The following PREX2 variants were observed in gnomAD, a reference collection of about 807,000 sequenced individuals.
PREX2 encodes the protein phosphatidylinositol 3,4,5-trisphosphate-dependent Rac exchanger 2 protein.
PREX2 carries 107 observed loss-of-function variants against 203.2 expected under a neutral mutation model. That is an observed-to-expected ratio of 0.53 (90% CI 0.45 to 0.62). PREX2 has a LOEUF of 0.62. PREX2 is among the 20% of genes least tolerant of loss of function. The pLI is 0.00. For synonymous variants in PREX2, 672 were observed against 663.6 expected (o/e 1.01, Z -0.19); for missense variants, 1,777 against 1,955.9 (o/e 0.91, Z 1.72).
intron 1 of PREX2, among the ~76,000 whole-genome samples, chr8:67,969,283 T>C (rs1373914945): frequency 6.6e-6 from 1 of 152,126 alleles, no homozygotes; most frequent in Admixed American, 6.5e-5. Flanking sequence ...CTCTCTGTGG[T>C]CTATGAATGC....
intron 8 of PREX2, among the ~76,000 whole-genome samples, chr8:68,046,849 G>A (rs1390688860): frequency 1.3e-5 from 2 of 152,024 alleles, no homozygotes; most frequent in Non-Finnish European, 2.9e-5. Flanking sequence ...CTAGTTTCCT[G>A]CAAGTACAAT....
intron 19 of PREX2, among the ~76,000 whole-genome samples, chr8:68,088,098 A>G (rs1406658803): frequency 1.3e-5 from 2 of 152,082 alleles, no homozygotes; most frequent in Non-Finnish European, 2.9e-5. Flanking sequence ...TTCTATTTGT[A>G]TTTTTCTTGA....
At chr8:68,168,358 TCAAA>T (rs1231908320) in intron 35 of PREX2, among the ~76,000 whole-genome samples, 1 of 152,218 alleles carries the variant, frequency 6.6e-6, no homozygotes, top group Non-Finnish European at 1.5e-5. Flanking sequence ...TATACTCATA[TCAAA>T]CAGACAGCTG....
At chr8:67,976,376 G>T (rs1035113896) in intron 1 of PREX2, among the ~76,000 whole-genome samples, 3 of 145,952 alleles carry the variant, frequency 2.1e-5, no homozygotes, top group African/African-American at 7.5e-5. Flanking sequence ...GAAACACTGA[G>T]AGAAAGAGGG....
intron 1 of PREX2, among the ~76,000 whole-genome samples, chr8:68,008,368 G>GAAACA (rs1807161831): frequency 6.6e-6 from 1 of 152,128 alleles, no homozygotes; most frequent in East Asian, 1.9e-4. Flanking sequence ...AAAAGGAAAG[G>GAAACA]AAACAAATTG....
intron 38 of PREX2, among the ~76,000 whole-genome samples, chr8:68,221,012 C>T (rs1812943522): frequency 6.6e-6 from 1 of 152,120 alleles, no homozygotes; most frequent in African/African-American, 2.4e-5. Flanking sequence ...TCCTATCCCC[C>T]TTCCTTCCTC....
chr8:68,192,549 T>G (rs1403953210), intron 37 of PREX2, 24 bp downstream of exon 37: 10 of 1,555,176 alleles, frequency 6.4e-6, no homozygotes, highest in Non-Finnish European at 8.7e-6. Context: ...CCGCCTTGCT[T>G]GCCTCTTTGT....
chr8:68,214,321 G>A (rs754095246), intron 37 of PREX2, among the ~76,000 whole-genome samples: 10 of 152,170 alleles, frequency 6.6e-5, no homozygotes, highest in Non-Finnish European at 1.3e-4. Context: ...GATCACCTGA[G>A]CCCAGGAAGT....
intron 23 of PREX2, among the ~76,000 whole-genome samples, chr8:68,104,533 C>T (rs1456291941): frequency 6.6e-6 from 1 of 152,240 alleles, no homozygotes; most frequent in African/African-American, 2.4e-5. Flanking sequence ...TAAATGCCAG[C>T]TTCAGTGAGG....
chr8:68,168,473 T>G (rs1410601231), intron 35 of PREX2, among the ~76,000 whole-genome samples: 1 of 152,236 alleles, frequency 6.6e-6, no homozygotes, highest in African/African-American at 2.4e-5. Context: ...GTCTCTTTCT[T>G]GGAGAAAGCA....
chr8:68,077,535 A>G, intron 15 of PREX2, 66 bp downstream of exon 15: 22 of 1,128,634 alleles, frequency 1.9e-5, no homozygotes, highest in Non-Finnish European at 2.7e-5. Context: ...GGATACTGCA[A>G]CACCCAGTGC....
chr8:68,199,808 G>C (rs1343869125), intron 37 of PREX2, among the ~76,000 whole-genome samples: 1 of 152,160 alleles, frequency 6.6e-6, no homozygotes, highest in Non-Finnish European at 1.5e-5. Context: ...AGGACAAATT[G>C]ACAAATAGGC....
chr8:68,170,196 T>C (rs1392299120), intron 35 of PREX2, among the ~76,000 whole-genome samples: 5 of 151,780 alleles, frequency 3.3e-5, no homozygotes, highest in African/African-American at 1.2e-4. Flanking sequence ...AGTAGAAGGG[T>C]GTGTGTTGAG....
At chr8:68,183,616 C>T in intron 35 of PREX2, among the ~76,000 whole-genome samples, 1 of 152,050 alleles carries the variant, frequency 6.6e-6, no homozygotes, top group African/African-American at 2.4e-5. Flanking sequence ...GAAGGAATGT[C>T]ACCTTAGCAG....
At chr8:68,173,128 A>G (rs1448769434) in intron 35 of PREX2, among the ~76,000 whole-genome samples, 1 of 152,192 alleles carries the variant, frequency 6.6e-6, no homozygotes, top group East Asian at 1.9e-4. Context: ...GCTTGGTACA[A>G]AGTTAGTACC....
At chr8:68,084,133 G>T (rs1809612317) in intron 18 of PREX2, among the ~76,000 whole-genome samples, 1 of 151,964 alleles carries the variant, frequency 6.6e-6, no homozygotes, top group African/African-American at 2.4e-5. Context: ...CTTTTCTTGT[G>T]CAAATCATTT....
intron 11 of PREX2, among the ~76,000 whole-genome samples, chr8:68,061,263 T>C (rs1453508236): frequency 6.6e-6 from 1 of 152,174 alleles, no homozygotes; most frequent in East Asian, 1.9e-4. Context: ...TGGATGAACA[T>C]ACTGGCGAGG....
intron 33 of PREX2, among the ~76,000 whole-genome samples, chr8:68,139,465 A>G (rs2890422): frequency 0.38 from 58,389 of 152,006 alleles, 11,636 homozygotes; most frequent in Non-Finnish European, 0.43. Context: ...AGGAGGCCAG[A>G]CTATGAAGGG....
rs958139374 is a variant in PREX2 at position 68,191,196 on chromosome 8, C to T, written c.4347-526C>T. 2.6e-5 allele frequency among the ~76,000 whole-genome samples: 4 copies of T among 152,230 alleles called. No homozygotes were observed. The East Asian group carries it at 7.7e-4, about 29-fold the overall frequency. ...GAGAGAGTTTCACTTCTAATCGGAG[C>T]ATAACTTGGTGCTGGAAAGAATCGC... On this transcript the variant is annotated intron_variant, in intron 35 of 39. Transcript: ENST00000288368.
Sources: gnomAD v4.1 joint callset for allele counts (sites outside exome capture counted in the v4.1 genomes callset) on GRCh38, gnomAD v4.1.1 for gene constraint, MANE v1.5 for transcripts, NCBI Gene and HGNC (gene_info 2026-07-23, HGNC 2026-07-21) for gene names.